CSMD1: variants seen among roughly 807,000 people sequenced by gnomAD.
The protein encoded by CSMD1 is CUB and sushi domain-containing protein 1.
CSMD1 carries 213 observed loss-of-function variants against 417.5 expected under a neutral mutation model. That is an observed-to-expected ratio of 0.51 (90% confidence interval 0.46 to 0.57). CSMD1 has a LOEUF of 0.57. Ranked by LOEUF, CSMD1 falls within the 20% of genes least tolerant of loss-of-function variation. The pLI, the probability that CSMD1 is intolerant of heterozygous loss-of-function variation, is 0.00. For missense variants in CSMD1, 6,923 were observed against 4,529.7 expected (o/e 1.53, Z -15.17); for synonymous variants, 2,862 against 1,736.8 (o/e 1.65, Z -16.11).
At chr8:4,081,060 G>A (rs979014955) in intron 3 of CSMD1, among the ~76,000 whole-genome samples, 3 of 152,090 alleles carry the variant, frequency 2.0e-5, no homozygotes, top group Non-Finnish European at 2.9e-5. Context: ...ATCCCCTTGG[G>A]TAATTCAGTA....
At chr8:4,300,525 C>G (rs924326785) in intron 3 of CSMD1, among the ~76,000 whole-genome samples, 1 of 151,886 alleles carries the variant, frequency 6.6e-6, no homozygotes, top group Non-Finnish European at 1.5e-5. Flanking sequence ...CCTTTACAGA[C>G]TTTTTTTTAC....
chr8:4,198,849 C>T (rs144621157), intron 3 of CSMD1, among the ~76,000 whole-genome samples: 13 of 152,164 alleles, frequency 8.5e-5, no homozygotes, highest in East Asian at 1.9e-4. Context: ...GGAGAGACAG[C>T]GCAACAATAT....
chr8:3,732,139 C>T (rs766543863), intron 6 of CSMD1, among the ~76,000 whole-genome samples: 2 of 152,172 alleles, frequency 1.3e-5, no homozygotes, highest in African/African-American at 2.4e-5. Flanking sequence ...TAGCGGAAGC[C>T]ACGGGCAAGC....
In CSMD1 at chr8:4,832,014, G is replaced by T. The variant is rs138799252; in HGVS notation, c.85+162318C>A. ...CTGCACACATAGTCACTTTCAAAAGGAGCTTCCTCCAAGCAATGCCACATG... is the reference window on the plus strand; with the variant it reads ...CTGCACACATAGTCACTTTCAAAAGTAGCTTCCTCCAAGCAATGCCACATG... On this transcript the variant is annotated intron_variant, in intron 1 of 69. Transcript: ENST00000635120. Among the ~76,000 whole-genome samples the T allele has an allele frequency of 1.8e-3, 275 of 152,260 alleles. 3 individuals are homozygous for T. The highest frequency in any genetic ancestry group is 6.4e-3 in the African/African-American group (265 of 41,548).
At chr8:4,855,555 C>A (rs6558925) in intron 1 of CSMD1, among the ~76,000 whole-genome samples, 61,545 of 151,222 alleles carry the variant, frequency 0.41, 12,603 homozygotes, top group Non-Finnish European at 0.45. Flanking sequence ...TAACCAATAC[C>A]AAGAACTGCT....
intron 41 of CSMD1, among the ~76,000 whole-genome samples, chr8:3,118,820 G>C (rs564693753): frequency 1.3e-5 from 2 of 152,228 alleles, no homozygotes; most frequent in African/African-American, 4.8e-5. Context: ...AAGGAAAGTA[G>C]CACATACCAA....
rs763911820 is a variant in CSMD1 at position 4,098,384 on chromosome 8, A to G, written c.416-66285T>C. Among the ~76,000 whole-genome samples the G allele has an allele frequency of 1.0e-4, 15 of 148,640 alleles. 1 individual carries two copies. The highest frequency in any genetic ancestry group is 3.4e-3 in the Middle Eastern group (1 of 292). On this transcript the variant is annotated intron_variant, in intron 3 of 69. Coordinates refer to ENST00000635120, the MANE Select transcript of CSMD1 (RefSeq NM_033225.6). ...CACTATTTTTTTTCTACAAAATTTA[A>G]TTTTCCAAAATGGATTTGTCATTTT...
At chr8:4,739,081 C>T (rs1028635448) in intron 1 of CSMD1, among the ~76,000 whole-genome samples, 1 of 151,868 alleles carries the variant, frequency 6.6e-6, no homozygotes, top group African/African-American at 2.4e-5. Flanking sequence ...CATGTGCACA[C>T]ACACATACAT....
intron 37 of CSMD1, among the ~76,000 whole-genome samples, chr8:3,177,367 G>T (rs1821007570): frequency 6.6e-6 from 1 of 152,134 alleles, no homozygotes; most frequent in South Asian, 2.1e-4. Flanking sequence ...TGACGAGAAG[G>T]GCGTGAAACA....
At chr8:3,437,758 T>TA (rs1169115300) in intron 12 of CSMD1, among the ~76,000 whole-genome samples, 1 of 151,784 alleles carries the variant, frequency 6.6e-6, no homozygotes, top group African/African-American at 2.4e-5. Context: ...TCTTTTCTTT[T>TA]TTTTTTTGTT....
chr8:3,614,134 G>C (rs542685688), intron 8 of CSMD1, among the ~76,000 whole-genome samples: 2 of 152,110 alleles, frequency 1.3e-5, no homozygotes, highest in South Asian at 4.1e-4. Context: ...GTATTTAAGA[G>C]AAAATTTAAT....
intron 10 of CSMD1, among the ~76,000 whole-genome samples, chr8:3,546,201 G>C (rs1304091471): frequency 1.7e-4 from 26 of 152,060 alleles, no homozygotes; most frequent in Admixed American, 1.7e-3. Flanking sequence ...CTTCATCTTA[G>C]AGAAATTGTG....
chr8:4,159,153 T>TAATC (rs1379466511), intron 3 of CSMD1, among the ~76,000 whole-genome samples: 11 of 152,198 alleles, frequency 7.2e-5, no homozygotes, highest in African/African-American at 2.4e-4. Flanking sequence ...CAACTTCAGG[T>TAATC]AATCCACCTG....
At chr8:3,405,726 T>A (rs1314461011) in intron 15 of CSMD1, among the ~76,000 whole-genome samples, 1 of 152,002 alleles carries the variant, frequency 6.6e-6, no homozygotes, top group African/African-American at 2.4e-5. Context: ...GAGATGAGGG[T>A]GAGGCTTCTC....
chr8:4,265,174 C>G (rs561356398), intron 3 of CSMD1, among the ~76,000 whole-genome samples: 2 of 152,018 alleles, frequency 1.3e-5, no homozygotes, highest in East Asian at 3.9e-4. Flanking sequence ...AATAGTGGAA[C>G]CTGTTTCAAA....
chr8:3,965,476 A>T (rs1050361335), intron 5 of CSMD1, among the ~76,000 whole-genome samples: 4 of 152,198 alleles, frequency 2.6e-5, no homozygotes, highest in Non-Finnish European at 5.9e-5. Flanking sequence ...TGAGTAGACG[A>T]TATCACAAAA....
At chr8:4,512,665 T>C (rs1003918039) in intron 2 of CSMD1, among the ~76,000 whole-genome samples, 2 of 152,128 alleles carry the variant, frequency 1.3e-5, no homozygotes, top group African/African-American at 4.8e-5. Flanking sequence ...AATTCAAAAT[T>C]AAATATAATA....
chr8:4,062,037 G>C (rs1219358205), intron 3 of CSMD1, among the ~76,000 whole-genome samples: 5 of 152,150 alleles, frequency 3.3e-5, no homozygotes, highest in Non-Finnish European at 5.9e-5. Context: ...CGCAGGTGGT[G>C]AAAATGCAGA....
At chr8:4,163,071 T>C (rs1370924848) in intron 3 of CSMD1, among the ~76,000 whole-genome samples, 1 of 152,210 alleles carries the variant, frequency 6.6e-6, no homozygotes, top group Non-Finnish European at 1.5e-5. Flanking sequence ...TTTCGGTTAA[T>C]TTTGTTTTAG....
Sources: gnomAD v4.1 joint callset for allele counts (sites outside exome capture counted in the v4.1 genomes callset) on GRCh38, gnomAD v4.1.1 for gene constraint, MANE v1.5 for transcripts, NCBI Gene and HGNC (gene_info 2026-07-23, HGNC 2026-07-21) for gene names.